Variants in LRRC7 observed in about 807,000 individuals in gnomAD.
The protein encoded by LRRC7 is leucine-rich repeat-containing protein 7.
A neutral mutation model predicts 175.7 loss-of-function variants in LRRC7; 23 were observed. The observed-to-expected ratio is 0.13, with a 90% CI of 0.09 to 0.19. The LOEUF (loss-of-function observed/expected upper bound fraction) is 0.19, where lower values mean the gene tolerates loss of function less well. LRRC7 is among the 10% of genes least tolerant of loss of function. LRRC7 has a pLI of 1.00. For missense variants in LRRC7, 1,354 were observed against 1,904.7 expected (o/e 0.71, Z 5.38); for synonymous variants, 685 against 680.9 (o/e 1.01, Z -0.09).
rs568454819 is a variant in LRRC7 at position 69,826,703 on chromosome 1, T to A, written c.500+877T>A. 3.3e-5 allele frequency among the ~76,000 whole-genome samples: 5 copies of A among 152,226 alleles called. No individual in the cohort carries two copies. In the South Asian group the frequency reaches 1.0e-3, roughly 32 times the overall value. On this transcript the variant is annotated intron_variant, in intron 5 of 26. Transcript: ENST00000651989. ...AGCTGACAGTAGGATTTGAGAAAAA[T>A]TCCTCGATCTTTTGTCTGATGAAGT...
At chr1:69,915,520 C>T (rs1030850923) in intron 7 of LRRC7, among the ~76,000 whole-genome samples, 2 of 152,026 alleles carry the variant, frequency 1.3e-5, no homozygotes, top group Non-Finnish European at 2.9e-5. Context: ...GAAAAAGTTC[C>T]TTGGTTACAT....
At chr1:70,071,552 GTTA>G (rs1558044407) in intron 23 of LRRC7, among the ~76,000 whole-genome samples, 2 of 151,988 alleles carry the variant, frequency 1.3e-5, no homozygotes, top group Non-Finnish European at 2.9e-5. Context: ...GGTTTTTGTT[GTTA>G]TTGTTGTTTT....
At chr1:70,093,241 T>C (rs1390537473) in intron 25 of LRRC7, among the ~76,000 whole-genome samples, 1 of 152,184 alleles carries the variant, frequency 6.6e-6, no homozygotes, top group African/African-American at 2.4e-5. Flanking sequence ...ACAAATCTGA[T>C]AGTAAAGCAA....
At position 69,865,523 on chromosome 1, in the gene LRRC7, C is replaced by A. The variant is rs572994447; in HGVS notation, c.647+27240C>A. Among the ~76,000 whole-genome samples, 63 of 124,364 alleles carry A rather than the reference C, an allele frequency of 5.1e-4. 1 individual carries two copies. The highest frequency in any genetic ancestry group is 1.9e-4 in the Non-Finnish European group (11 of 59,374). The allele number at this position is 124,364 out of a possible 152,430, so 81.6% of individuals were successfully genotyped here. Reference sequence around the variant, plus strand: ...ACGGAGTCCCGCTCAGTGCCCCAGGCTGGATGGAGTGCAGTGGCCCGATCT... The same window carrying A: ...ACGGAGTCCCGCTCAGTGCCCCAGGATGGATGGAGTGCAGTGGCCCGATCT... On this transcript the variant is annotated intron_variant, in intron 7 of 26. Coordinates refer to ENST00000651989, the MANE Select transcript of LRRC7 (RefSeq NM_001370785.2).
chr1:69,812,692 T>C (rs1376138647), intron 4 of LRRC7, among the ~76,000 whole-genome samples: 2 of 152,090 alleles, frequency 1.3e-5, no homozygotes, highest in Admixed American at 6.6e-5. Context: ...TATCACAGAG[T>C]AAACCATTTG....
intron 7 of LRRC7, among the ~76,000 whole-genome samples, chr1:69,907,882 A>G (rs1301840164): frequency 2.6e-5 from 4 of 151,930 alleles, no homozygotes; most frequent in Admixed American, 6.6e-5. Context: ...CTGTGAATCC[A>G]TCTGGTCCTG....
intron 1 of LRRC7, among the ~76,000 whole-genome samples, chr1:69,668,733 A>C (rs1174980420): frequency 6.6e-6 from 1 of 152,202 alleles, no homozygotes; most frequent in African/African-American, 2.4e-5. Flanking sequence ...TGTCTTCCAC[A>C]ATGGTTGAAA....
chr1:69,626,077 T>C (rs1282346969), intron 1 of LRRC7, among the ~76,000 whole-genome samples: 1 of 152,218 alleles, frequency 6.6e-6, no homozygotes, highest in East Asian at 1.9e-4. Context: ...ACTTAACTTG[T>C]ATGAGGCTCC....
chr1:69,604,698 A>AT (rs11306566), intron 1 of LRRC7, among the ~76,000 whole-genome samples: 76 of 150,318 alleles, frequency 5.1e-4, no homozygotes, highest in South Asian at 2.7e-3. Context: ...TAAATATACC[A>AT]TTTTTTTTTC....
At chr1:70,038,027 G>A in intron 20 of LRRC7, 86 bp from the exon 21 acceptor site, 1 of 1,476,238 alleles carries the variant, frequency 6.8e-7, no homozygotes, top group South Asian at 1.4e-5. Context: ...AACAAAGGAT[G>A]ATGGCCCTCT....
rs1191179515 is a variant in LRRC7, at chr1:70,143,110, A to C, written c.*21223A>C. The C allele has an allele frequency of 1.3e-5, 2 of 151,852 alleles. No individual in the cohort carries two copies. Among genetic ancestry groups the C allele is most frequent in the African/African-American group, 4.8e-5 (2 of 41,368 alleles). 9.4% of individuals were successfully genotyped at this position (151,852 alleles called of 1,614,324 possible). A position where few individuals can be genotyped will look rare whatever the true frequency, so the allele number is the denominator to read the frequency against. ...CAGCTCATATAATTCAGTTAGTGAAATATTTCACTCTTCTGTAAGTTTAAG... is the reference window on the plus strand; with the variant it reads ...CAGCTCATATAATTCAGTTAGTGAACTATTTCACTCTTCTGTAAGTTTAAG... On this transcript the variant is annotated 3_prime_UTR_variant, in exon 27 of 27. Transcript: ENST00000651989.
intron 21 of LRRC7, among the ~76,000 whole-genome samples, chr1:70,043,161 T>G (rs1553195219): frequency 6.6e-6 from 1 of 152,102 alleles, no homozygotes; most frequent in Non-Finnish European, 1.5e-5. Flanking sequence ...AGGAAAAAAA[T>G]TATCTATCAG....
chr1:69,905,970 T>A (rs1646294070), intron 7 of LRRC7, among the ~76,000 whole-genome samples: 1 of 152,246 alleles, frequency 6.6e-6, no homozygotes, highest in African/African-American at 2.4e-5. Flanking sequence ...TGAGATGGTA[T>A]CTCATTGTGG....
At chr1:69,694,735 C>T (rs1662342436) in intron 2 of LRRC7, among the ~76,000 whole-genome samples, 1 of 102,924 alleles carries the variant, frequency 9.7e-6, no homozygotes, top group South Asian at 4.1e-4. Context: ...GTGTGGTACC[C>T]CTACCCCCCC....
intron 2 of LRRC7, among the ~76,000 whole-genome samples, chr1:69,734,358 G>A (rs1207153165): frequency 6.6e-6 from 1 of 151,646 alleles, no homozygotes; most frequent in African/African-American, 2.4e-5. Flanking sequence ...TTTACTCTTA[G>A]AAATACATAG....
At chr1:69,952,895 C>G (rs1043092495) in intron 8 of LRRC7, among the ~76,000 whole-genome samples, 3 of 150,972 alleles carry the variant, frequency 2.0e-5, no homozygotes, top group African/African-American at 7.3e-5. Context: ...TTTTTGAACT[C>G]CTACTGTTTG....
chr1:69,666,041 C>T (rs766087694), intron 1 of LRRC7, among the ~76,000 whole-genome samples: 4 of 151,844 alleles, frequency 2.6e-5, no homozygotes, highest in Admixed American at 6.6e-5. Flanking sequence ...GAAGGGATGT[C>T]GAATGTTATC....
Position 70,144,145 on chromosome 1 carries a change from T to C in LRRC7, c.*22258T>C, listed in dbSNP as rs899251022. 3.9e-5 allele frequency: 6 copies of C among 152,210 alleles called. No homozygotes were observed. Among genetic ancestry groups the C allele is most frequent in the African/African-American group, 1.4e-4 (6 of 41,466 alleles). 9.4% of individuals were successfully genotyped at this position (152,210 alleles called of 1,614,324 possible). On this transcript the variant is annotated 3_prime_UTR_variant, in exon 27 of 27. Transcript: ENST00000651989. ...TATTCTCCAGTTTTATTTTATGTAC[T>C]GACACTAATTGGTAAAGGTGTACAA...
chr1:69,945,385 A>G (rs1183496275), intron 8 of LRRC7, among the ~76,000 whole-genome samples: 1 of 152,054 alleles, frequency 6.6e-6, no homozygotes, highest in Non-Finnish European at 1.5e-5. Context: ...TGCCTGTACC[A>G]TGCTGTTTCA....
Sources: allele counts gnomAD v4.1 joint callset (sites outside exome capture counted in the v4.1 genomes callset), GRCh38; gene constraint gnomAD v4.1.1; transcripts MANE v1.5; gene names NCBI Gene and HGNC (gene_info 2026-07-23, HGNC 2026-07-21).